Variants in CALD1 observed in about 807,000 individuals in gnomAD.
CALD1 encodes the protein caldesmon.
A neutral mutation model predicts 99.9 loss-of-function variants in CALD1; 33 were observed. The ratio of observed to expected loss-of-function variants is 0.33; its 90% CI spans 0.25 to 0.44. The LOEUF is 0.44. CALD1 is among the 20% of genes least tolerant of loss of function. CALD1 has a pLI of 1.00. For synonymous variants in CALD1, 310 were observed against 325.0 expected (o/e 0.95, Z 0.50); for missense variants, 861 against 962.1 (o/e 0.89, Z 1.39).
At chr7:134,866,469 C>T (rs1008472952) in intron 2 of CALD1, among the ~76,000 whole-genome samples, 6 of 152,048 alleles carry the variant, frequency 3.9e-5, no homozygotes, top group South Asian at 2.1e-4. Flanking sequence ...TATAGTTTTG[C>T]TTTTGTTGGC....
At chr7:134,864,750 C>T (rs1024176554) in intron 2 of CALD1, among the ~76,000 whole-genome samples, 6 of 152,082 alleles carry the variant, frequency 3.9e-5, no homozygotes, top group Non-Finnish European at 1.5e-5. Context: ...TTAGGCATGC[C>T]CTGTTTTAAA....
intron 3 of CALD1, among the ~76,000 whole-genome samples, chr7:134,897,813 C>T (rs1274396603): frequency 6.6e-6 from 1 of 152,012 alleles, no homozygotes; most frequent in Non-Finnish European, 1.5e-5. Context: ...CTTAAGCGAT[C>T]CTCCTGCCTC....
At chr7:134,901,467 T>C (rs901081833) in intron 3 of CALD1, among the ~76,000 whole-genome samples, 1 of 152,072 alleles carries the variant, frequency 6.6e-6, no homozygotes, top group Non-Finnish European at 1.5e-5. Flanking sequence ...ATTATTGCCA[T>C]GAACTGGGTA....
chr7:134,956,913 A>G (rs989513673), intron 9 of CALD1, among the ~76,000 whole-genome samples: 6 of 152,208 alleles, frequency 3.9e-5, no homozygotes, highest in African/African-American at 1.4e-4. Flanking sequence ...CTTATTGCTA[A>G]CATCTAAATT....
intron 2 of CALD1, among the ~76,000 whole-genome samples, chr7:134,855,514 A>G (rs1050591536): frequency 6.6e-6 from 1 of 152,270 alleles, no homozygotes; most frequent in East Asian, 1.9e-4. Flanking sequence ...GATGCAGAAA[A>G]GATATTGGGA....
At chr7:134,946,321 G>GT (rs995357473) in intron 7 of CALD1, among the ~76,000 whole-genome samples, 1 of 151,918 alleles carries the variant, frequency 6.6e-6, no homozygotes, top group African/African-American at 2.4e-5. Context: ...AAAAATTGTG[G>GT]TAAAAACAAA....
intron 1 of CALD1, among the ~76,000 whole-genome samples, chr7:134,747,952 C>G (rs916404068): frequency 2.0e-5 from 3 of 152,186 alleles, no homozygotes; most frequent in Non-Finnish European, 2.9e-5. Context: ...CAACTCCAAA[C>G]AGAGAGAGCT....
intron 14 of CALD1, 39 bp from the exon 15 acceptor site, chr7:134,968,301 A>G: frequency 6.2e-7 from 1 of 1,608,824 alleles, no homozygotes; most frequent in South Asian, 1.1e-5. Context: ...TCAGTTTCAC[A>G]CTACAGGCTG....
intron 1 of CALD1, among the ~76,000 whole-genome samples, chr7:134,803,457 CTCTA>C (rs1479938848): frequency 4.6e-5 from 7 of 151,896 alleles, no homozygotes; most frequent in African/African-American, 1.5e-4. Context: ...TATTTGCATA[CTCTA>C]TCTAGGTTGC....
chr7:134,833,119 T>G (rs1209644018), intron 1 of CALD1, among the ~76,000 whole-genome samples: 1 of 152,224 alleles, frequency 6.6e-6, no homozygotes, highest in African/African-American at 2.4e-5. Flanking sequence ...CAACAGTTAT[T>G]TGGTGGCAAC....
intron 1 of CALD1, among the ~76,000 whole-genome samples, chr7:134,807,432 C>T (rs547000908): frequency 6.6e-5 from 10 of 152,184 alleles, no homozygotes; most frequent in Admixed American, 1.3e-4. Context: ...ATTACATCTC[C>T]GACCAGTTTC....
At chr7:134,888,997 T>C (rs1401111729) in intron 3 of CALD1, among the ~76,000 whole-genome samples, 2 of 152,190 alleles carry the variant, frequency 1.3e-5, no homozygotes, top group Non-Finnish European at 2.9e-5. Context: ...TCTAGGTTTT[T>C]CCATTTTATG....
intron 3 of CALD1, among the ~76,000 whole-genome samples, chr7:134,886,941 A>G (rs1036714432): frequency 6.6e-6 from 1 of 152,236 alleles, no homozygotes; most frequent in Non-Finnish European, 1.5e-5. Flanking sequence ...ACTTGCTTGT[A>G]GTAAACATTC....
At chr7:134,931,352 A>G (rs998653557) in intron 4 of CALD1, among the ~76,000 whole-genome samples, 5 of 152,216 alleles carry the variant, frequency 3.3e-5, no homozygotes, top group African/African-American at 7.2e-5. Flanking sequence ...TTAGAATTCA[A>G]TTGATCCAAA....
chr7:134,775,913 T>G (rs1258575736), upstream of CALD1, among the ~76,000 whole-genome samples: 1 of 152,200 alleles, frequency 6.6e-6, no homozygotes, highest in Non-Finnish European at 1.5e-5. Flanking sequence ...CTTTTTGTTA[T>G]TATGAATAGC....
chr7:134,739,268 T>C (rs975907405), upstream of CALD1, among the ~76,000 whole-genome samples: 20 of 152,346 alleles, frequency 1.3e-4, 1 homozygote, highest in African/African-American at 3.4e-4. Context: ...TGGACCAAGA[T>C]AGTCTCTTAA....
intron 9 of CALD1, among the ~76,000 whole-genome samples, chr7:134,956,289 C>G (rs949616574): frequency 2.6e-5 from 4 of 151,870 alleles, no homozygotes; most frequent in African/African-American, 9.7e-5. Flanking sequence ...GAATCCCAGA[C>G]CAGTCTGGGT....
At chr7:134,752,552 A>G (rs1283760943) in intron 1 of CALD1, among the ~76,000 whole-genome samples, 2 of 152,314 alleles carry the variant, frequency 1.3e-5, no homozygotes, top group Admixed American at 6.5e-5. Context: ...ATATGTGTCC[A>G]TGCATGTACA....
chr7:134,917,819 T>C (rs1792226081), intron 3 of CALD1, among the ~76,000 whole-genome samples: 1 of 152,124 alleles, frequency 6.6e-6, no homozygotes, highest in Admixed American at 6.5e-5. Flanking sequence ...AGGAAGGAGT[T>C]TGGTTATTTT....
Sources: gnomAD v4.1 joint callset for allele counts (sites outside exome capture counted in the v4.1 genomes callset) on GRCh38, gnomAD v4.1.1 for gene constraint, MANE v1.5 for transcripts, NCBI Gene and HGNC (gene_info 2026-07-23, HGNC 2026-07-21) for gene names.